Variants in NCKAP5 observed in about 807,000 individuals in gnomAD.
NCKAP5 encodes NCK associated protein 5.
In NCKAP5, 92 loss-of-function variants were observed where a neutral mutation model predicts 167.0. The observed-to-expected ratio is 0.55, with a 90% CI of 0.47 to 0.66. The LOEUF is 0.66. Ranked by LOEUF, NCKAP5 falls within the 30% of genes least tolerant of loss-of-function variation. The pLI, the probability that NCKAP5 is intolerant of heterozygous loss-of-function variation, is 0.00. For missense variants in NCKAP5, 2,378 were observed against 2,315.0 expected, an observed-to-expected ratio of 1.03 and a Z score of -0.56; for synonymous variants, 891 against 877.4, an observed-to-expected ratio of 1.02 and a Z score of -0.27.
chr2:133,364,912 G>T lies in NCKAP5; in HGVS notation c.70-61802C>A, dbSNP rs937649221. Among the ~76,000 whole-genome samples the T allele has an allele frequency of 3.3e-5, 5 of 152,004 alleles. No homozygotes were observed. In the South Asian group the frequency reaches 1.0e-3, roughly 32 times the overall value. ...ACTGCAGGTACATGCCACCATGCTCGGCTAATTTTTAAACTTTTTGTAGAG... is the reference window on the plus strand; with the variant it reads ...ACTGCAGGTACATGCCACCATGCTCTGCTAATTTTTAAACTTTTTGTAGAG... On this transcript the variant is annotated intron_variant, in intron 3 of 19. Transcript: ENST00000409261.
intron 12 of NCKAP5, among the ~76,000 whole-genome samples, chr2:132,791,649 C>A (rs893356742): frequency 5.9e-5 from 9 of 152,304 alleles, no homozygotes; most frequent in Middle Eastern, 3.4e-3. Flanking sequence ...TGCAGAGTGG[C>A]AAAGCCTTTT....
intron 8 of NCKAP5, among the ~76,000 whole-genome samples, chr2:132,937,575 A>T (rs10203770): frequency 1.3e-5 from 2 of 152,114 alleles, no homozygotes; most frequent in African/African-American, 4.8e-5. Flanking sequence ...AATTAGGACC[A>T]GTGGATAGAA....
chr2:132,870,765 CTTAA>C (rs33919414), intron 9 of NCKAP5, among the ~76,000 whole-genome samples: 67,644 of 148,910 alleles, frequency 0.45, 15,902 homozygotes, highest in East Asian at 0.7. Context: ...TTCCATGGAG[CTTAA>C]TTGTTTTTTG....
At chr2:133,319,136 G>A (rs924079229) in intron 3 of NCKAP5, among the ~76,000 whole-genome samples, 3 of 151,250 alleles carry the variant, frequency 2.0e-5, no homozygotes, top group Non-Finnish European at 4.4e-5. Context: ...TTCCAGGTGT[G>A]TGAGCCACCC....
At chr2:132,841,082 T>C (rs1688264415) in intron 11 of NCKAP5, among the ~76,000 whole-genome samples, 6 of 152,198 alleles carry the variant, frequency 3.9e-5, no homozygotes, top group Admixed American at 3.9e-4. Flanking sequence ...TTGATATTTT[T>C]TCTATTGCCA....
intron 3 of NCKAP5, among the ~76,000 whole-genome samples, chr2:133,387,174 T>A (rs1258285518): frequency 6.6e-6 from 1 of 152,202 alleles, no homozygotes; most frequent in African/African-American, 2.4e-5. Context: ...GTTTTTGCAG[T>A]GGCTGGTACT....
At chr2:133,032,979 C>T (rs2078929962) in intron 6 of NCKAP5, among the ~76,000 whole-genome samples, 3 of 152,140 alleles carry the variant, frequency 2.0e-5, no homozygotes. Flanking sequence ...AATCTGCCTC[C>T]ATGATCCAAT....
chr2:133,512,566 G>A (rs1683588770), intron 3 of NCKAP5, among the ~76,000 whole-genome samples: 1 of 152,200 alleles, frequency 6.6e-6, no homozygotes, highest in Non-Finnish European at 1.5e-5. Flanking sequence ...CACGTGGCCT[G>A]CAGAGCCTGA....
chr2:133,482,449 C>A (rs1680540191), intron 3 of NCKAP5, among the ~76,000 whole-genome samples: 3 of 152,154 alleles, frequency 2.0e-5, no homozygotes, highest in African/African-American at 7.2e-5. Context: ...AACTCCTTAG[C>A]TCAGGCAAGC....
chr2:133,220,836 C>T (rs2086629803), intron 4 of NCKAP5, among the ~76,000 whole-genome samples: 1 of 152,064 alleles, frequency 6.6e-6, no homozygotes, highest in South Asian at 2.1e-4. Context: ...ATCAATGTTC[C>T]CTTGCCACTC....
chr2:133,615,435 A>T, the NCKAP5 span, among the ~76,000 whole-genome samples: 1 of 152,202 alleles, frequency 6.6e-6, no homozygotes, highest in South Asian at 2.1e-4. Flanking sequence ...CATAGGCTCA[A>T]AATAAAAGGA....
chr2:132,718,324 CA>C (rs1372860513), intron 19 of NCKAP5, among the ~76,000 whole-genome samples: 1 of 152,220 alleles, frequency 6.6e-6, no homozygotes, highest in East Asian at 1.9e-4. Context: ...TGAAGATCCT[CA>C]AAGAACAGAT....
intron 2 of NCKAP5, among the ~76,000 whole-genome samples, chr2:133,545,942 T>C (rs1339925990): frequency 6.6e-6 from 1 of 152,190 alleles, no homozygotes; most frequent in South Asian, 2.1e-4. Context: ...CCTGAAATTA[T>C]TTTGGTTTGT....
intron 6 of NCKAP5, among the ~76,000 whole-genome samples, chr2:133,085,988 T>C (rs1356517619): frequency 1.3e-5 from 2 of 152,240 alleles, no homozygotes; most frequent in East Asian, 3.9e-4. Flanking sequence ...TCCCAAGAGA[T>C]TGAACAATCA....
chr2:133,538,492 T>C (rs1685927048), intron 2 of NCKAP5, among the ~76,000 whole-genome samples: 1 of 152,122 alleles, frequency 6.6e-6, no homozygotes, highest in Non-Finnish European at 1.5e-5. Context: ...GAGTTAGATA[T>C]GCAACTTTTG....
intron 11 of NCKAP5, among the ~76,000 whole-genome samples, chr2:132,828,963 G>C (rs989068709): frequency 6.6e-6 from 1 of 152,126 alleles, no homozygotes; most frequent in African/African-American, 2.4e-5. Flanking sequence ...CAGCAATATG[G>C]TGATGTCAGC....
At chr2:132,988,244 C>T (rs372580805) in intron 7 of NCKAP5, among the ~76,000 whole-genome samples, 26 of 152,050 alleles carry the variant, frequency 1.7e-4, no homozygotes, top group Admixed American at 3.9e-4. Flanking sequence ...GTGGGCAGAT[C>T]ACGAGGTCAG....
intron 5 of NCKAP5, among the ~76,000 whole-genome samples, chr2:133,148,552 G>A (rs1264057595): frequency 6.6e-6 from 1 of 151,894 alleles, no homozygotes; most frequent in East Asian, 1.9e-4. Context: ...TCTTAGTATG[G>A]GCTACTATAA....
At chr2:133,023,817 T>C (rs980705015) in intron 6 of NCKAP5, among the ~76,000 whole-genome samples, 3 of 152,316 alleles carry the variant, frequency 2.0e-5, no homozygotes, top group African/African-American at 7.2e-5. Flanking sequence ...CCATGGTATA[T>C]ATGTACCACA....
Sources: gnomAD v4.1 joint callset for allele counts (sites outside exome capture counted in the v4.1 genomes callset) on GRCh38, gnomAD v4.1.1 for gene constraint, MANE v1.5 for transcripts, NCBI Gene and HGNC (gene_info 2026-07-23, HGNC 2026-07-21) for gene names.